UBE2E2: variants seen among roughly 807,000 people sequenced by gnomAD.
The protein encoded by UBE2E2 is ubiquitin conjugating enzyme E2 E2.
Under a neutral mutation model 24.7 loss-of-function variants are expected in UBE2E2, and 6 were observed. That is an observed-to-expected ratio of 0.24 (90% CI 0.13 to 0.48). The LOEUF (loss-of-function observed/expected upper bound fraction) is 0.48. Ranked by LOEUF, UBE2E2 falls within the 20% of genes least tolerant of loss-of-function variation. The pLI, the probability that UBE2E2 is intolerant of heterozygous loss-of-function variation, is 0.99. For synonymous variants in UBE2E2, 104 were observed against 83.6 expected (o/e 1.24, Z -1.33); for missense variants, 169 against 245.0 (o/e 0.69, Z 2.07).
intron 5 of UBE2E2, among the ~76,000 whole-genome samples, chr3:23,538,486 T>G (rs1200242243): frequency 6.6e-6 from 1 of 152,210 alleles, no homozygotes. Context: ...TACCTGGTAT[T>G]TTTAATAGCA....
At chr3:23,514,908 T>G (rs911849680) in intron 4 of UBE2E2, among the ~76,000 whole-genome samples, 2 of 152,176 alleles carry the variant, frequency 1.3e-5, no homozygotes, top group African/African-American at 4.8e-5. Context: ...AAACTGCAGT[T>G]TGTCTTCAGT....
chr3:23,232,468 A>G (rs552739670), intron 3 of UBE2E2, among the ~76,000 whole-genome samples: 2 of 151,340 alleles, frequency 1.3e-5, no homozygotes, highest in South Asian at 4.2e-4. Flanking sequence ...TTTGTTTAGT[A>G]TATACCCCTT....
intron 5 of UBE2E2, among the ~76,000 whole-genome samples, chr3:23,547,768 G>A (rs1438491272): frequency 6.6e-6 from 1 of 152,150 alleles, no homozygotes; most frequent in Non-Finnish European, 1.5e-5. Context: ...TCTCAGTAGA[G>A]ATCCCCATGT....
At chr3:23,454,940 G>T (rs1698643731) in intron 3 of UBE2E2, among the ~76,000 whole-genome samples, 1 of 152,006 alleles carries the variant, frequency 6.6e-6, no homozygotes, top group Non-Finnish European at 1.5e-5. Flanking sequence ...TTCTTTATGG[G>T]TGTATCCGAG....
intron 4 of UBE2E2, among the ~76,000 whole-genome samples, chr3:23,524,186 A>G (rs762413736): frequency 3.9e-5 from 6 of 152,144 alleles, no homozygotes; most frequent in Admixed American, 6.5e-5. Flanking sequence ...ATCTTTCTAA[A>G]TTATGTTTAG....
At chr3:23,462,809 A>G (rs1698834766) in intron 3 of UBE2E2, among the ~76,000 whole-genome samples, 1 of 152,108 alleles carries the variant, frequency 6.6e-6, no homozygotes, top group African/African-American at 2.4e-5. Flanking sequence ...TCAGGGGGTA[A>G]CTGTAACCAT....
At chr3:23,308,296 G>A (rs1216566011) in intron 3 of UBE2E2, among the ~76,000 whole-genome samples, 1 of 152,150 alleles carries the variant, frequency 6.6e-6, no homozygotes, top group African/African-American at 2.4e-5. Context: ...AAGCCCCTAT[G>A]TAGTTTTTAT....
At chr3:23,538,950 C>T (rs1695327133) in intron 5 of UBE2E2, among the ~76,000 whole-genome samples, 1 of 151,914 alleles carries the variant, frequency 6.6e-6, no homozygotes, top group Non-Finnish European at 1.5e-5. Flanking sequence ...CAAAAATATC[C>T]ATTAGTTTGT....
At chr3:23,552,884 G>A (rs750964896) in intron 5 of UBE2E2, among the ~76,000 whole-genome samples, 3 of 152,082 alleles carry the variant, frequency 2.0e-5, no homozygotes, top group Non-Finnish European at 4.4e-5. Context: ...TTTCAATCCA[G>A]TCTAAAAACT....
chr3:23,420,550 A>C (rs1282327837), intron 3 of UBE2E2, among the ~76,000 whole-genome samples: 3 of 152,232 alleles, frequency 2.0e-5, no homozygotes, highest in Non-Finnish European at 4.4e-5. Flanking sequence ...CTAATTAACA[A>C]TGCTAGATAA....
chr3:23,358,271 C>G (rs1169625330), intron 3 of UBE2E2, among the ~76,000 whole-genome samples: 5 of 151,848 alleles, frequency 3.3e-5, no homozygotes, highest in Non-Finnish European at 7.4e-5. Flanking sequence ...TCAGCAACTA[C>G]TGATTTCATT....
intron 3 of UBE2E2, among the ~76,000 whole-genome samples, chr3:23,325,583 G>C (rs1224179178): frequency 6.6e-6 from 1 of 152,154 alleles, no homozygotes; most frequent in Admixed American, 6.5e-5. Context: ...TAAACCCATA[G>C]ACTTACACAC....
At chr3:23,207,556 C>G (rs1022916056) in intron 1 of UBE2E2, among the ~76,000 whole-genome samples, 1 of 152,178 alleles carries the variant, frequency 6.6e-6, no homozygotes, top group African/African-American at 2.4e-5. Flanking sequence ...CTGTGTTCTT[C>G]TGTTATCACA....
chr3:23,226,458 T>A (rs1176514981), intron 3 of UBE2E2, among the ~76,000 whole-genome samples: 1 of 151,848 alleles, frequency 6.6e-6, no homozygotes, highest in Non-Finnish European at 1.5e-5. Context: ...TTTCTGAAAC[T>A]CCTAACATTA....
intron 3 of UBE2E2, among the ~76,000 whole-genome samples, chr3:23,480,450 A>G (rs1699233290): frequency 6.6e-6 from 1 of 152,152 alleles, no homozygotes; most frequent in Non-Finnish European, 1.5e-5. Flanking sequence ...TGTGCCTAGC[A>G]GCACAGGGCT....
chr3:23,318,714 G>A (rs1272256862), intron 3 of UBE2E2, among the ~76,000 whole-genome samples: 1 of 152,008 alleles, frequency 6.6e-6, no homozygotes, highest in Non-Finnish European at 1.5e-5. Flanking sequence ...ACAGTATGGG[G>A]GAAACTGCCC....
intron 3 of UBE2E2, among the ~76,000 whole-genome samples, chr3:23,368,664 A>G (rs1696322103): frequency 6.6e-6 from 1 of 152,178 alleles, no homozygotes; most frequent in South Asian, 2.1e-4. Context: ...ATCTTATAAA[A>G]ATTATTTTTT....
intron 3 of UBE2E2, among the ~76,000 whole-genome samples, chr3:23,479,266 A>G (rs538397910): frequency 5.4e-4 from 83 of 152,346 alleles, no homozygotes; most frequent in Non-Finnish European, 1.1e-3. Flanking sequence ...GTCACTGTGC[A>G]TAGCCAGGCA....
At chr3:23,239,118 G>T (rs1697189908) in intron 3 of UBE2E2, among the ~76,000 whole-genome samples, 2 of 152,020 alleles carry the variant, frequency 1.3e-5, no homozygotes, top group Admixed American at 1.3e-4. Flanking sequence ...CTTTGAAACA[G>T]TATGAGTTTA....
Sources: allele counts gnomAD v4.1 joint callset (sites outside exome capture counted in the v4.1 genomes callset), GRCh38; gene constraint gnomAD v4.1.1; transcripts MANE v1.5; gene names NCBI Gene and HGNC (gene_info 2026-07-23, HGNC 2026-07-21).